KCNMA1: variants seen among roughly 807,000 people sequenced by gnomAD.
The protein encoded by KCNMA1 is potassium calcium-activated channel subfamily M alpha 1.
Under a neutral mutation model 140.0 loss-of-function variants are expected in KCNMA1, and 29 were observed. The observed-to-expected ratio is 0.21, with a 90% CI of 0.15 to 0.28. The LOEUF (loss-of-function observed/expected upper bound fraction) is 0.28. KCNMA1 is among the 10% of genes least tolerant of loss of function. The pLI, the probability that KCNMA1 is intolerant of heterozygous loss-of-function variation, is 1.00. For synonymous variants in KCNMA1, 612 were observed against 611.9 expected, an observed-to-expected ratio of 1.00 and a Z score of 0.00; for missense variants, 880 against 1,602.2, an observed-to-expected ratio of 0.55 and a Z score of 7.70.
intron 1 of KCNMA1, chr10:77,636,260 A>G: frequency 6.9e-7 from 1 of 1,441,862 alleles, no homozygotes; most frequent in South Asian, 1.5e-5. Context: ...CCCCCACTCC[A>G]GCCAGTGGCT....
intron 5 of KCNMA1, among the ~76,000 whole-genome samples, chr10:77,163,922 C>T (rs770327623): frequency 1.3e-5 from 2 of 152,084 alleles, no homozygotes; most frequent in Non-Finnish European, 2.9e-5. Context: ...GCCTGACACA[C>T]GGGAGACACT....
At chr10:77,246,707 T>A (rs1344784349) in intron 3 of KCNMA1, among the ~76,000 whole-genome samples, 3 of 152,198 alleles carry the variant, frequency 2.0e-5, no homozygotes, top group African/African-American at 7.2e-5. Context: ...TTTGAAGATG[T>A]TACAAACTAA....
At chr10:76,963,834 C>T (rs919963688) in intron 20 of KCNMA1, among the ~76,000 whole-genome samples, 13 of 152,124 alleles carry the variant, frequency 8.5e-5, no homozygotes, top group African/African-American at 2.9e-4. Context: ...GGTATCTAGT[C>T]ACTAAGACCT....
intron 1 of KCNMA1, among the ~76,000 whole-genome samples, chr10:77,496,325 G>A (rs187352839): frequency 2.6e-5 from 4 of 152,230 alleles, no homozygotes; most frequent in South Asian, 2.1e-4. Flanking sequence ...GGCCGGGCAC[G>A]GTGGCTCACG....
At chr10:77,274,927 G>A (rs2066208063) in intron 2 of KCNMA1, among the ~76,000 whole-genome samples, 1 of 152,216 alleles carries the variant, frequency 6.6e-6, no homozygotes, top group South Asian at 2.1e-4. Flanking sequence ...AGACCGAGAT[G>A]GGGCAGCCTT....
chr10:77,556,118 G>A (rs1418524703), intron 1 of KCNMA1, among the ~76,000 whole-genome samples: 1 of 152,180 alleles, frequency 6.6e-6, no homozygotes, highest in African/African-American at 2.4e-5. Context: ...GTTACCATCA[G>A]AGGAACCATG....
At chr10:77,106,075 A>G (rs1417594724) in intron 9 of KCNMA1, among the ~76,000 whole-genome samples, 3 of 152,182 alleles carry the variant, frequency 2.0e-5, no homozygotes, top group Non-Finnish European at 2.9e-5. Flanking sequence ...TTCTGATGAA[A>G]GATCTAAGTG....
At chr10:77,492,498 G>T (rs1278843283) in intron 1 of KCNMA1, among the ~76,000 whole-genome samples, 1 of 152,202 alleles carries the variant, frequency 6.6e-6, no homozygotes, top group Non-Finnish European at 1.5e-5. Flanking sequence ...CCTTAATGAA[G>T]TTCAGGGAAC....
At chr10:77,217,050 A>G (rs923350867) in intron 3 of KCNMA1, among the ~76,000 whole-genome samples, 1 of 152,168 alleles carries the variant, frequency 6.6e-6, no homozygotes, top group South Asian at 2.1e-4. Flanking sequence ...CACGCTTTTA[A>G]TCCCAGCACT....
At chr10:76,951,925 T>G in intron 21 of KCNMA1, 1 of 1,003,474 alleles carries the variant, frequency 1.0e-6, no homozygotes, top group East Asian at 2.7e-5. Flanking sequence ...AGAGCAGTCG[T>G]TGTCAGGGAT....
At chr10:77,106,072 GA>G (rs1381990415) in intron 9 of KCNMA1, among the ~76,000 whole-genome samples, 3 of 152,126 alleles carry the variant, frequency 2.0e-5, no homozygotes, top group Non-Finnish European at 2.9e-5. Context: ...ATTTTCTGAT[GA>G]AAGATCTAAG....
chr10:77,386,660 T>C (rs985240903), intron 2 of KCNMA1, among the ~76,000 whole-genome samples: 2 of 152,342 alleles, frequency 1.3e-5, no homozygotes, highest in Admixed American at 1.3e-4. Flanking sequence ...ATCTTTCCTA[T>C]TTGAAGCCTT....
chr10:77,030,762 T>C (rs896857060), intron 15 of KCNMA1, among the ~76,000 whole-genome samples: 29 of 152,312 alleles, frequency 1.9e-4, no homozygotes, highest in Admixed American at 1.4e-3. Flanking sequence ...CTTAACCTTA[T>C]AGGGGATGGA....
At chr10:77,193,523 G>T (rs1346790543) in intron 3 of KCNMA1, among the ~76,000 whole-genome samples, 3 of 152,156 alleles carry the variant, frequency 2.0e-5, no homozygotes, top group Admixed American at 1.3e-4. Flanking sequence ...ATGGGATGGA[G>T]TAGGTGATTC....
At chr10:77,396,714 G>A (rs895959416) in intron 2 of KCNMA1, among the ~76,000 whole-genome samples, 21 of 152,346 alleles carry the variant, frequency 1.4e-4, no homozygotes, top group African/African-American at 5.1e-4. Context: ...GGGATAAAGA[G>A]AGAGGCTGAT....
intron 18 of KCNMA1, among the ~76,000 whole-genome samples, chr10:77,008,612 G>A (rs2089851541): frequency 6.6e-6 from 1 of 152,218 alleles, no homozygotes; most frequent in African/African-American, 2.4e-5. Context: ...GAAGGTTACT[G>A]AATGAAAGTG....
At chr10:77,110,044 G>T in intron 8 of KCNMA1, 129 bp downstream of exon 8, 1 of 829,942 alleles carries the variant, frequency 1.2e-6, no homozygotes. Context: ...GATTTACTTA[G>T]CCTGATTGTA....
chr10:77,607,807 A>G (rs867983308), intron 1 of KCNMA1, among the ~76,000 whole-genome samples: 3 of 152,124 alleles, frequency 2.0e-5, no homozygotes, highest in African/African-American at 7.2e-5. Context: ...CTGTAGGAGT[A>G]TATTTGTGTT....
At chr10:77,384,990 A>G (rs2095552880) in intron 2 of KCNMA1, among the ~76,000 whole-genome samples, 1 of 152,212 alleles carries the variant, frequency 6.6e-6, no homozygotes, top group Non-Finnish European at 1.5e-5. Context: ...CACCTAAGCT[A>G]TTAAAGATTC....
Sources: allele counts gnomAD v4.1 joint callset (sites outside exome capture counted in the v4.1 genomes callset), GRCh38; gene constraint gnomAD v4.1.1; transcripts MANE v1.5; gene names NCBI Gene and HGNC (gene_info 2026-07-23, HGNC 2026-07-21).